DENND6A: variants seen among roughly 807,000 people sequenced by gnomAD.
The protein encoded by DENND6A is protein DENND6A.
Under a neutral mutation model 95.5 loss-of-function variants are expected in DENND6A, and 43 were observed. The observed-to-expected ratio is 0.45, with a 90% confidence interval of 0.35 to 0.58. The LOEUF (loss-of-function observed/expected upper bound fraction) is 0.58, where lower values mean the gene tolerates loss of function less well. Among genes scored for constraint, DENND6A ranks in the 20% least tolerant of loss-of-function variants. The pLI, the probability that DENND6A is intolerant of heterozygous loss-of-function variation, is 0.00. For synonymous variants in DENND6A, 257 were observed against 260.4 expected (o/e 0.99, Z 0.13); for missense variants, 574 against 736.0 (o/e 0.78, Z 2.55).
chr3:57,638,495 T>C (rs1045395846), intron 12 of DENND6A, among the ~76,000 whole-genome samples: 1 of 150,988 alleles, frequency 6.6e-6, no homozygotes, highest in Admixed American at 6.6e-5. Context: ...CTGTCTCTAC[T>C]AAAAATACAA....
In DENND6A at chr3:57,692,322, G is replaced by A. The variant is rs146826315; in HGVS notation, c.237+460C>T. 8.6e-4 allele frequency among the ~76,000 whole-genome samples: 130 copies of A among 151,910 alleles called. 1 individual carries two copies. The highest frequency in any genetic ancestry group is 2.5e-3 in the African/African-American group (103 of 41,450). ...ATAAGCATTTCGACTCAGGCTGAGG[G>A]AAACGCTCAAACAGTTACTGCAAAT... On this transcript the variant is annotated intron_variant, in intron 1 of 19. Transcript: ENST00000311128.
Position 57,626,057 on chromosome 3 carries a change from T to G in DENND6A, c.*2157A>C, listed in dbSNP as rs1412280485. ...GTTTCCCAGAAAGTTATGAAATACTTTTAGCATATAAAAGTAGTTGCTCCT... is the reference window on the plus strand; with the variant it reads ...GTTTCCCAGAAAGTTATGAAATACTGTTAGCATATAAAAGTAGTTGCTCCT... On this transcript the variant is annotated 3_prime_UTR_variant, in exon 20 of 20. Transcript: ENST00000311128. 6.6e-6 allele frequency: 1 copy of G among 152,652 alleles called. No homozygotes were observed. Among genetic ancestry groups the G allele is most frequent in the East Asian group, 1.9e-4 (1 of 5,202 alleles). The allele number at this position is 152,652 out of a possible 1,614,324, so 9.5% of individuals were successfully genotyped here.
chr3:57,691,685 AAAAAAAAAC>A (rs1346445028), intron 1 of DENND6A, among the ~76,000 whole-genome samples: 7 of 151,532 alleles, frequency 4.6e-5, no homozygotes, highest in African/African-American at 1.7e-4. Context: ...AAAAAAAAAA[AAAAAAAAAC>A]CAAAACCAAA....
chr3:57,661,292 A>G (rs572866795), intron 6 of DENND6A, among the ~76,000 whole-genome samples, 154 bp downstream of exon 6: 1 of 152,358 alleles, frequency 6.6e-6, no homozygotes, highest in Non-Finnish European at 1.5e-5. Context: ...GCAGGTACAG[A>G]TGCCAGAAAA....
intron 1 of DENND6A, among the ~76,000 whole-genome samples, chr3:57,685,571 G>GTC (rs150887220): frequency 0.037 from 5,684 of 152,126 alleles, 132 homozygotes; most frequent in African/African-American, 0.051. Flanking sequence ...GTTTTGGAGC[G>GTC]TCTCAGATTT....
At chr3:57,643,019 A>C (rs1037719391) in intron 11 of DENND6A, among the ~76,000 whole-genome samples, 1 of 148,648 alleles carries the variant, frequency 6.7e-6, no homozygotes, top group African/African-American at 2.5e-5. Context: ...AAAAAAAAAA[A>C]AAAGAAAGAT....
At chr3:57,640,038 G>A (rs750319171) in intron 12 of DENND6A, among the ~76,000 whole-genome samples, 3 of 151,264 alleles carry the variant, frequency 2.0e-5, no homozygotes, top group Admixed American at 6.6e-5. Context: ...TTGGGAAGCC[G>A]AGGTGGGCGG....
intron 3 of DENND6A, among the ~76,000 whole-genome samples, chr3:57,669,581 G>C (rs1049903590): frequency 6.6e-6 from 1 of 151,740 alleles, no homozygotes; most frequent in Non-Finnish European, 1.5e-5. Context: ...CAGGCGTGGT[G>C]GTGGGCACCT....
Position 57,692,918 on chromosome 3 carries a change from G to T in DENND6A, c.101C>A (p.Ala34Glu). ...AEGREAPALV[A>E]AGGAPEDDEE... Reference sequence around the variant, plus strand: ...ATCGTCCTCTGGCGCGCCTCCCGCCGCCACAAGGGCCGGCGCCTCGCGGCC... The same window carrying T: ...ATCGTCCTCTGGCGCGCCTCCCGCCTCCACAAGGGCCGGCGCCTCGCGGCC... Residue 34 changes from alanine to glutamate, a missense_variant, in exon 1 of 20, where the codon GCG (alanine) becomes GAG (glutamate). By Grantham distance (107) the Ala-to-Glu change is moderately radical (BLOSUM62 -1). Transcript: ENST00000311128. 1.3e-6 allele frequency: 2 copies of T among 1,566,548 alleles called. No homozygotes were observed.
Position 57,641,693 on chromosome 3 carries a change from G to GTGC in DENND6A, c.1089_1091dup (p.Gln363dup), listed in dbSNP as rs1180397447. The GTGC allele has an allele frequency of 6.2e-7, 1 of 1,613,422 alleles. No homozygotes were observed. Among genetic ancestry groups the GTGC allele is most frequent in the Admixed American group, 1.7e-5 (1 of 59,938 alleles). ...CTCCTATTCGAATAATGTGTGGCCA[G>GTGC]TGCTGGAGTGTCTTAGCAAAAAAAG... On this transcript the variant is annotated inframe_insertion, in exon 12 of 20. Coordinates refer to ENST00000311128, the MANE Select transcript of DENND6A (RefSeq NM_152678.3).
intron 11 of DENND6A, among the ~76,000 whole-genome samples, chr3:57,644,149 CAAA>C (rs1177987681): frequency 1.4e-5 from 1 of 73,350 alleles, no homozygotes; most frequent in Non-Finnish European, 2.7e-5. Flanking sequence ...GACTCCATCT[CAAA>C]AAAAAAAAAA....
chr3:57,626,901 G>C lies in DENND6A; in HGVS notation c.*1313C>G, dbSNP rs2070542758. ...AAAGTTCCCATGTCAAACAATAGTA[G>C]GAAAAGTGTTTTAAGAAACATTAAT... On this transcript the variant is annotated 3_prime_UTR_variant, in exon 20 of 20. Coordinates refer to ENST00000311128, the MANE Select transcript of DENND6A (RefSeq NM_152678.3). The C allele has an allele frequency of 6.6e-6, 1 of 152,378 alleles. No homozygotes were observed. The highest frequency in any genetic ancestry group is 1.5e-5 in the Non-Finnish European group (1 of 68,016). The allele number at this position is 152,378 out of a possible 1,614,324, so 9.4% of individuals were successfully genotyped here.
chr3:57,679,853 G>C (rs142567413), intron 1 of DENND6A, among the ~76,000 whole-genome samples: 1 of 152,246 alleles, frequency 6.6e-6, no homozygotes, highest in Non-Finnish European at 1.5e-5. Flanking sequence ...AGCCACTACT[G>C]GTGAGGAACT....
intron 1 of DENND6A, among the ~76,000 whole-genome samples, chr3:57,691,292 T>A (rs1011301724): frequency 9.2e-5 from 14 of 152,216 alleles, no homozygotes; most frequent in African/African-American, 3.4e-4. Context: ...TGGGAACTGT[T>A]TTTCTTACTT....
At position 57,693,005 on chromosome 3, in the gene DENND6A, C is replaced by A. The variant is rs765456194; in HGVS notation, c.14G>T (p.Gly5Val). The A allele has an allele frequency of 2.4e-5, 35 of 1,484,404 alleles. No individual in the cohort carries two copies. The highest frequency in any genetic ancestry group is 3.0e-5 in the Non-Finnish European group (34 of 1,129,750). 92.0% of individuals were successfully genotyped at this position (1,484,404 alleles called of 1,614,324 possible). MALR[G>V]PAGLGPGSRR... ...AGAGCCGGGCCCCAAGCCCGCAGGGCCCCTCAAAGCCATCGGCCGCCCCCT... is the reference window on the plus strand; with the variant it reads ...AGAGCCGGGCCCCAAGCCCGCAGGGACCCTCAAAGCCATCGGCCGCCCCCT... The change falls in exon 1 of 20, where the codon GGC becomes GTC. Residue 5 changes from glycine to valine, a missense_variant. This residue lies in a region of DENND6A where 122 missense variants were observed against 105.1 expected (regional missense o/e 1.16). Coordinates refer to ENST00000311128, the MANE Select transcript of DENND6A (RefSeq NM_152678.3).
chr3:57,663,850 C>G, intron 4 of DENND6A, 134 bp from the exon 5 acceptor site: 2 of 435,876 alleles, frequency 4.6e-6, no homozygotes, highest in Non-Finnish European at 8.2e-6. Flanking sequence ...GAGATATACA[C>G]GAAGAGCTAG....
intron 9 of DENND6A, among the ~76,000 whole-genome samples, chr3:57,652,303 A>G (rs1221224428): frequency 6.6e-6 from 1 of 152,212 alleles, no homozygotes; most frequent in African/African-American, 2.4e-5. Context: ...AGGCAGCCCT[A>G]TGGAGAAGTC....
intron 1 of DENND6A, among the ~76,000 whole-genome samples, chr3:57,679,145 G>C (rs753937490): frequency 8.5e-5 from 13 of 152,148 alleles, no homozygotes; most frequent in Non-Finnish European, 1.8e-4. Flanking sequence ...CCAGTCTTTT[G>C]GTATTTTGTT....
intron 1 of DENND6A, among the ~76,000 whole-genome samples, chr3:57,679,835 G>A (rs1444159815): frequency 2.6e-5 from 4 of 152,150 alleles, no homozygotes; most frequent in South Asian, 2.1e-4. Flanking sequence ...CTGGGAAGGC[G>A]GGAGCTCAGC....
Sources: allele counts gnomAD v4.1 joint callset (sites outside exome capture counted in the v4.1 genomes callset), GRCh38; gene constraint gnomAD v4.1.1; regional missense constraint gnomAD v4.1.1; transcripts MANE v1.5; gene names NCBI Gene and HGNC (gene_info 2026-07-23, HGNC 2026-07-21).